Variants in PPP2R5C observed in about 807,000 individuals in gnomAD.
The protein encoded by PPP2R5C is serine/threonine-protein phosphatase 2A 56 kDa regulatory subunit gamma isoform.
A neutral mutation model predicts 68.9 loss-of-function variants in PPP2R5C; 7 were observed. That is an observed-to-expected ratio of 0.10 (90% CI 0.06 to 0.19). The LOEUF (loss-of-function observed/expected upper bound fraction) is 0.19, where lower values mean the gene tolerates loss of function less well. Among genes scored for constraint, PPP2R5C ranks in the 10% least tolerant of loss-of-function variants. The probability of loss-of-function intolerance (pLI) is 1.00; values close to 1 mark genes in which losing one functional copy is unlikely to be tolerated. For missense variants in PPP2R5C, 348 were observed against 641.3 expected (o/e 0.54, Z 4.94); for synonymous variants, 210 against 222.2 (o/e 0.95, Z 0.49).
At chr14:101,789,237 G>A (rs2038253285) in intron 3 of PPP2R5C, among the ~76,000 whole-genome samples, 1 of 152,168 alleles carries the variant, frequency 6.6e-6, no homozygotes, top group South Asian at 2.1e-4. Flanking sequence ...ATAAAACCTG[G>A]AACAGAGGTG....
intron 1 of PPP2R5C, among the ~76,000 whole-genome samples, chr14:101,829,746 G>C (rs2281772): frequency 0.23 from 34,655 of 152,038 alleles, 4,541 homozygotes; most frequent in African/African-American, 0.36. Context: ...TGAGGTGCCC[G>C]CAATCAGACA....
At chr14:101,924,443 A>ATTTTTTTTTTTTTTTTTTTTTTTTTTT (rs2047175999) in intron 13 of PPP2R5C, among the ~76,000 whole-genome samples, 2 of 56,850 alleles carry the variant, frequency 3.5e-5, no homozygotes, top group African/African-American at 1.3e-4. Context: ...AAATTTCTAC[A>ATTTTTTTTTTTTTTTTTTTTTTTTTTT]TCTTTTTTTT....
At chr14:101,850,649 G>A (rs1028559948) in intron 1 of PPP2R5C, among the ~76,000 whole-genome samples, 1 of 152,286 alleles carries the variant, frequency 6.6e-6, no homozygotes, top group African/African-American at 2.4e-5. Context: ...AGTCTTCTAG[G>A]GCTCTAGAAA....
chr14:101,771,538 G>A (rs755378975), intron 2 of PPP2R5C, among the ~76,000 whole-genome samples: 3 of 152,122 alleles, frequency 2.0e-5, no homozygotes, highest in African/African-American at 7.2e-5. Flanking sequence ...GACCAGCCTG[G>A]CCAAGATGGT....
exon 14 of PPP2R5C, chr14:101,925,435 A>T (rs1158039716): frequency 1.4e-5 from 18 of 1,275,202 alleles, no homozygotes; most frequent in Non-Finnish European, 1.7e-5. Context: ...TTAGGAGTTC[A>T]AACAATGGTG....
intron 1 of PPP2R5C, chr14:101,843,763 T>C: frequency 4.6e-6 from 1 of 218,166 alleles, no homozygotes; most frequent in Non-Finnish European, 9.5e-6. Context: ...TTTACTTTTT[T>C]CTGTGGAACC....
chr14:101,860,857 T>C (rs943119319), intron 2 of PPP2R5C, among the ~76,000 whole-genome samples: 5 of 152,228 alleles, frequency 3.3e-5, no homozygotes, highest in African/African-American at 1.2e-4. Context: ...GTCCTGATCA[T>C]CTAGCTTGAC....
Position 101,888,924 on chromosome 14 carries a change from C to T in PPP2R5C, c.630-1313C>T, listed in dbSNP as rs1370527690. 6.6e-6 allele frequency among the ~76,000 whole-genome samples: 1 copy of T among 152,056 alleles called. No individual in the cohort carries two copies. Among genetic ancestry groups the T allele is most frequent in the Non-Finnish European group, 1.5e-5 (1 of 67,990 alleles). On this transcript the variant is annotated intron_variant, in intron 5 of 13. Coordinates refer to ENST00000334743, the Ensembl canonical transcript of PPP2R5C. This position sits in a 1 kb window ranked among gnomAD's most constrained non-coding sequence, Gnocchi z 5.6. ...GGCTTTTCTAAGCTGGCCTTCCAGC[C>T]TCTCCATGCATCTTGCCCACCCCAC... is the stretch of plus-strand genomic sequence containing the variant.
intron 3 of PPP2R5C, 52 bp from the exon 6 acceptor site, chr14:101,883,205 G>A (rs1741126): frequency 1.3e-5 from 17 of 1,264,610 alleles, no homozygotes; most frequent in Admixed American, 7.1e-5. Flanking sequence ...TATTTTAACC[G>A]CCATTCAATA....
At chr14:101,855,951 A>G (rs1345480005) in intron 1 of PPP2R5C, among the ~76,000 whole-genome samples, 1 of 152,244 alleles carries the variant, frequency 6.6e-6, no homozygotes, top group Non-Finnish European at 1.5e-5. Context: ...GTAAGCACTC[A>G]CTAAGTAATA....
chr14:101,880,777 A>T lies in PPP2R5C; in HGVS notation c.295-1384A>T, dbSNP rs113143563. 6.5e-4 allele frequency among the ~76,000 whole-genome samples: 99 copies of T among 152,276 alleles called. 1 individual carries two copies. The highest frequency in any genetic ancestry group is 2.1e-3 in the African/African-American group (87 of 41,564). ...GCCACTGTACTCCAGCCTGGGCAGC[A>T]GAGAGATGCCCTGTCTTTAAGAGGA... On this transcript the variant is annotated intron_variant, in intron 2 of 13. Transcript: ENST00000334743.
Position 101,890,303 on chromosome 14 carries a change from C to A in PPP2R5C, c.689+7C>A, listed in dbSNP as rs1396783925. On this transcript the variant is annotated splice_region_variant and intron_variant, in intron 6 of 13. Transcript: ENST00000334743. The stretch of plus-strand genomic sequence containing the variant: ...TACTGGAAATATTGGGAAGGTAAGC[C>A]TCTGTTATGGGTAGCAAACGGCTGT... The A allele has an allele frequency of 6.2e-7, 1 of 1,612,560 alleles. No homozygotes were observed. The highest frequency in any genetic ancestry group is 1.7e-5 in the Admixed American group (1 of 59,974).
chr14:101,767,208 A>G (rs570683642), intron 2 of PPP2R5C, among the ~76,000 whole-genome samples: 12 of 152,280 alleles, frequency 7.9e-5, no homozygotes, highest in African/African-American at 2.9e-4. Context: ...GTCCCTTTAC[A>G]TTCCAGTGCC....
intron 1 of PPP2R5C, among the ~76,000 whole-genome samples, chr14:101,851,755 T>G (rs2042165510): frequency 6.6e-6 from 1 of 152,208 alleles, no homozygotes; most frequent in Non-Finnish European, 1.5e-5. Flanking sequence ...TCCTTTATGG[T>G]GTCTTGGAGC....
intron 2 of PPP2R5C, among the ~76,000 whole-genome samples, chr14:101,783,211 C>G (rs1388700024): frequency 5.4e-4 from 1 of 1,842 alleles, no homozygotes; most frequent in African/African-American, 3.1e-3. Flanking sequence ...CTCTCCCCCC[C>G]CTTTCTCCCC....
intron 3 of PPP2R5C, among the ~76,000 whole-genome samples, chr14:101,800,749 A>G (rs1324523988): frequency 6.6e-6 from 1 of 152,180 alleles, no homozygotes; most frequent in Non-Finnish European, 1.5e-5. Context: ...AAATCAGTAT[A>G]TCACAGGGGC....
intron 2 of PPP2R5C, among the ~76,000 whole-genome samples, chr14:101,784,510 T>TG (rs36040425): frequency 0.011 from 1,378 of 123,518 alleles, 9 homozygotes; most frequent in Middle Eastern, 0.028. Context: ...AGAGAGAAAG[T>TG]GGGGGGGGGG....
chr14:101,830,791 C>T lies in PPP2R5C; in HGVS notation c.94+20755C>T, dbSNP rs148391184. 2.3e-3 allele frequency among the ~76,000 whole-genome samples: 346 copies of T among 152,238 alleles called. 2 individuals are homozygous for T. The highest frequency in any genetic ancestry group is 7.8e-3 in the African/African-American group (324 of 41,540). The stretch of plus-strand genomic sequence containing the variant: ...TCCAGCAAGGAATACAGAGAAGCAG[C>T]AATAGAGCCTGCCAGCCCTCGGGGA... On this transcript the variant is annotated intron_variant, in intron 1 of 13. Transcript: ENST00000334743.
chr14:101,836,507 A>G, intron 1 of PPP2R5C: 1 of 593,270 alleles, frequency 1.7e-6, no homozygotes, highest in Non-Finnish European at 3.0e-6. Context: ...GGATCTGCAG[A>G]TAGTTCTTTT....
Sources: gnomAD v4.1 joint callset for allele counts (sites outside exome capture counted in the v4.1 genomes callset) on GRCh38, gnomAD v4.1.1 for gene constraint, Gnocchi (gnomAD v3.1) non-coding constraint, MANE v1.5 for transcripts, NCBI Gene and HGNC (gene_info 2026-07-23, HGNC 2026-07-21) for gene names.